The following CDK5RAP2 variants were observed in gnomAD, a reference collection of about 807,000 sequenced individuals.
CDK5RAP2 encodes CDK5 regulatory subunit-associated protein 2.
CDK5RAP2 carries 147 observed loss-of-function variants against 232.9 expected under a neutral mutation model. That is an observed-to-expected ratio of 0.63 (90% confidence interval 0.55 to 0.72). The LOEUF (loss-of-function observed/expected upper bound fraction) is 0.72, where lower values mean the gene tolerates loss of function less well. Among genes scored for constraint, CDK5RAP2 ranks in the 30% least tolerant of loss-of-function variants. CDK5RAP2 has a pLI of 0.00. For missense variants in CDK5RAP2, 2,195 were observed against 2,231.5 expected (o/e 0.98, Z 0.33); for synonymous variants, 833 against 833.7 (o/e 1.00, Z 0.01).
chr9:120,471,274 A>G (rs2037688012), intron 16 of CDK5RAP2, among the ~76,000 whole-genome samples: 1 of 152,180 alleles, frequency 6.6e-6, no homozygotes, highest in Non-Finnish European at 1.5e-5. Flanking sequence ...CAGAAAACAT[A>G]AGTCCCACAG....
chr9:120,432,102 C>T (rs2035318312), intron 25 of CDK5RAP2, among the ~76,000 whole-genome samples: 1 of 152,166 alleles, frequency 6.6e-6, no homozygotes, highest in Non-Finnish European at 1.5e-5. Context: ...AGGATATGCA[C>T]AAAGATTCCA....
intron 35 of CDK5RAP2, among the ~76,000 whole-genome samples, chr9:120,397,062 C>T (rs2032529147): frequency 6.6e-6 from 1 of 152,184 alleles, no homozygotes; most frequent in South Asian, 2.1e-4. Flanking sequence ...CAGGAGGTCA[C>T]CAGAAGAACC....
intron 15 of CDK5RAP2, among the ~76,000 whole-genome samples, chr9:120,474,214 A>G (rs1412661526): frequency 6.6e-6 from 1 of 152,208 alleles, no homozygotes; most frequent in Non-Finnish European, 1.5e-5. Flanking sequence ...TGAGATGCTC[A>G]ACAAACATCA....
intron 11 of CDK5RAP2, among the ~76,000 whole-genome samples, chr9:120,521,644 C>CTTTTTTTTT (rs71266575): frequency 1.6e-5 from 2 of 125,762 alleles, no homozygotes; most frequent in African/African-American, 3.0e-5. Context: ...ACCTCTTTTT[C>CTTTTTTTTT]TTTTTTTTTT....
chr9:120,549,032 A>T (rs1473351539), intron 4 of CDK5RAP2, among the ~76,000 whole-genome samples: 2 of 152,020 alleles, frequency 1.3e-5, no homozygotes, highest in Admixed American at 1.3e-4. Context: ...TGGCGTGCAC[A>T]TGTAATCCCA....
In CDK5RAP2 at chr9:120,580,029, T is replaced by C. The variant is rs2043187159; in HGVS notation, c.-51A>G. The stretch of plus-strand genomic sequence containing the variant: ...GTGTCTGTGGCGGCGGCGCCACTAG[T>C]ACCCCCCGCGATAGCGACCCGCCGG... On this transcript the variant is annotated 5_prime_UTR_variant, in exon 1 of 38. Transcript: ENST00000349780. The C allele has an allele frequency of 7.8e-7, 1 of 1,282,896 alleles. No individual in the cohort carries two copies. The highest frequency in any genetic ancestry group is 1.1e-6 in the Non-Finnish European group (1 of 888,134). 79.5% of individuals were successfully genotyped at this position (1,282,896 alleles called of 1,614,324 possible).
chr9:120,458,106 T>A (rs1019637366), intron 20 of CDK5RAP2, among the ~76,000 whole-genome samples: 1 of 152,230 alleles, frequency 6.6e-6, no homozygotes, highest in Non-Finnish European at 1.5e-5. Flanking sequence ...ACTACAATGG[T>A]ATTTTTTAAG....
chr9:120,408,468 C>A lies in CDK5RAP2; in HGVS notation c.4605G>T (p.Arg1535Ser). The change falls in exon 31 of 38, where the codon AGG becomes AGT. Residue 1535 changes from arginine (R) to serine (S), a missense_variant and splice_region_variant. Coordinates refer to ENST00000349780, the MANE Select transcript of CDK5RAP2 (RefSeq NM_018249.6). ...EVRCSGQELS[R>S]VQEEVKLRQQ... is the part of the protein sequence containing the mutation. ...GCCTCAACTTCACCTCCTCCTGCAC[C>A]CTGAGAAGGCCCCACAGGCATGAGA... The A allele has an allele frequency of 6.2e-7, 1 of 1,614,100 alleles. No individual in the cohort carries two copies. The highest frequency in any genetic ancestry group is 8.5e-7 in the Non-Finnish European group (1 of 1,179,992).
At chr9:120,543,656 C>G (rs899471512) in intron 5 of CDK5RAP2, among the ~76,000 whole-genome samples, 1 of 152,052 alleles carries the variant, frequency 6.6e-6, no homozygotes, top group Non-Finnish European at 1.5e-5. Context: ...GCCAGGGGTT[C>G]GAGACCAGCC....
chr9:120,571,991 G>A lies in CDK5RAP2; in HGVS notation c.110C>T (p.Ala37Val). ...GTACTTACGACCATTTCCCAACCCA[G>A]CATTGGGGTTGATGCCATCCAGGTC... is the stretch of plus-strand genomic sequence containing the variant. Reference protein sequence around the residue: ...PDDLDGINPNAGLGNGLLPNV... With the variant: ...PDDLDGINPNVGLGNGLLPNV... The change falls in exon 2 of 38, where the codon GCT becomes GTT. Residue 37 changes from alanine (A) to valine (V), a missense_variant. Transcript: ENST00000349780. 1 of 1,613,514 alleles carries A rather than the reference G, an allele frequency of 6.2e-7. No homozygotes were observed. The highest frequency in any genetic ancestry group is 8.5e-7 in the Non-Finnish European group (1 of 1,179,402).
intron 26 of CDK5RAP2, among the ~76,000 whole-genome samples, chr9:120,421,413 G>A (rs1333869919): frequency 6.6e-6 from 1 of 152,194 alleles, no homozygotes; most frequent in Non-Finnish European, 1.5e-5. Flanking sequence ...AATGGGAGAA[G>A]AGTATTTCTT....
chr9:120,408,514 CAG>C (rs750144284), intron 30 of CDK5RAP2, 46 bp from the exon 31 acceptor site: 3 of 1,612,186 alleles, frequency 1.9e-6, no homozygotes, highest in African/African-American at 1.3e-5. Context: ...AATTCTACCT[CAG>C]GGTAACTTAT....
chr9:120,408,541 G>A (rs2033638982), intron 30 of CDK5RAP2, 73 bp from the exon 31 acceptor site: 1 of 1,548,406 alleles, frequency 6.5e-7, no homozygotes, highest in African/African-American at 1.4e-5. Flanking sequence ...ACCCCACAGA[G>A]CAGGCCAATT....
chr9:120,508,434 G>A (rs904452337), intron 12 of CDK5RAP2, among the ~76,000 whole-genome samples: 5 of 152,026 alleles, frequency 3.3e-5, no homozygotes, highest in African/African-American at 9.7e-5. Flanking sequence ...ATATGCTGGG[G>A]GAAAAAAACT....
chr9:120,480,136 C>G (rs2038221890), intron 14 of CDK5RAP2, among the ~76,000 whole-genome samples: 1 of 152,200 alleles, frequency 6.6e-6, no homozygotes, highest in Admixed American at 6.5e-5. Context: ...ACTAAATGCT[C>G]TCTAAATGCT....
intron 3 of CDK5RAP2, among the ~76,000 whole-genome samples, chr9:120,566,998 A>G (rs2042670615): frequency 6.6e-6 from 1 of 152,242 alleles, no homozygotes; most frequent in African/African-American, 2.4e-5. Context: ...TATCTTGCAG[A>G]GCCGCTTTAA....
chr9:120,564,975 T>C (rs966980577), intron 3 of CDK5RAP2, among the ~76,000 whole-genome samples: 7 of 152,286 alleles, frequency 4.6e-5, no homozygotes, highest in Middle Eastern at 3.4e-3. Flanking sequence ...AGCAACTGAT[T>C]TACCGACTTC....
At chr9:120,390,109 C>T in intron 36 of CDK5RAP2, 1 of 331,396 alleles carries the variant, frequency 3.0e-6, no homozygotes, top group Admixed American at 3.8e-5. Flanking sequence ...TCCAGGTATC[C>T]CTCAGGCTCA....
Position 120,442,951 on chromosome 9 carries a change from A to AT in CDK5RAP2, c.3148+668dup, listed in dbSNP as rs985771496. Among the ~76,000 whole-genome samples, 11 of 152,042 alleles carry AT rather than the reference A, an allele frequency of 7.2e-5. No homozygotes were observed. In the South Asian group the frequency reaches 1.7e-3, roughly 23 times the overall value. On this transcript the variant is annotated intron_variant, in intron 23 of 37. Coordinates refer to ENST00000349780, the MANE Select transcript of CDK5RAP2 (RefSeq NM_018249.6). ...GTGAATTAGATCTGGATTAATAGTG[A>AT]TTTTTTTTAATGAAGGGGGAAAAAT...
Sources: gnomAD v4.1 joint callset for allele counts (sites outside exome capture counted in the v4.1 genomes callset) on GRCh38, gnomAD v4.1.1 for gene constraint, MANE v1.5 for transcripts, NCBI Gene and HGNC (gene_info 2026-07-23, HGNC 2026-07-21) for gene names.